Variants in CISD2 observed in about 807,000 individuals in gnomAD.
CISD2 encodes the protein CDGSH iron-sulfur domain-containing protein 2.
A neutral mutation model predicts 12.9 loss-of-function variants in CISD2; 1 was observed. The ratio of observed to expected loss-of-function variants is 0.08; its 90% CI spans 0.03 to 0.37. The LOEUF (loss-of-function observed/expected upper bound fraction) is 0.37, where lower values mean the gene tolerates loss of function less well. Among genes scored for constraint, CISD2 ranks in the 10% least tolerant of loss-of-function variants. The probability of loss-of-function intolerance (pLI) is 0.99; values close to 1 mark genes in which losing one functional copy is unlikely to be tolerated. For synonymous variants in CISD2, 50 were observed against 60.6 expected (o/e 0.83, Z 0.81); for missense variants, 97 against 163.1 (o/e 0.59, Z 2.21).
At chr4:102,876,823 A>G (rs1412837724) in intron 1 of CISD2, among the ~76,000 whole-genome samples, 2 of 152,172 alleles carry the variant, frequency 1.3e-5, no homozygotes, top group Non-Finnish European at 2.9e-5. Context: ...ACAGTTCTGC[A>G]TGGCTAGGTA....
Position 102,884,632 on chromosome 4 carries a change from G to A in CISD2, c.104-584G>A, listed in dbSNP as rs1315371157. 3.9e-5 allele frequency among the ~76,000 whole-genome samples: 6 copies of A among 152,332 alleles called. No individual in the cohort carries two copies. In the South Asian group the frequency reaches 8.3e-4, roughly 21 times the overall value. Reference sequence around the variant, plus strand: ...CCAAAAGGCTTTAAATGAAGTTTATGGAATTAGATATATCTTAAAATGAGA... The same window carrying A: ...CCAAAAGGCTTTAAATGAAGTTTATAGAATTAGATATATCTTAAAATGAGA... On this transcript the variant is annotated intron_variant, in intron 1 of 2. Coordinates refer to ENST00000273986, the MANE Select transcript of CISD2 (RefSeq NM_001008388.5).
chr4:102,876,277 A>T (rs948166974), intron 1 of CISD2, among the ~76,000 whole-genome samples: 1 of 152,236 alleles, frequency 6.6e-6, no homozygotes, highest in Non-Finnish European at 1.5e-5. Context: ...TTCCAAGTAT[A>T]TGAAAATCTG....
chr4:102,875,740 T>C (rs1733576990), intron 1 of CISD2, among the ~76,000 whole-genome samples: 1 of 152,210 alleles, frequency 6.6e-6, no homozygotes, highest in African/African-American at 2.4e-5. Flanking sequence ...GAGACAAATA[T>C]TTACCTAACT....
chr4:102,885,848 A>G (rs1733883390), intron 2 of CISD2, among the ~76,000 whole-genome samples: 2 of 152,226 alleles, frequency 1.3e-5, no homozygotes, highest in Non-Finnish European at 2.9e-5. Context: ...TGATACATCC[A>G]CATTACATAT....
rs1486467120 is a variant in CISD2, at chr4:102,889,669, T to C, written c.*2239T>C. 1 of 152,228 alleles carries C rather than the reference T, an allele frequency of 6.6e-6. No individual in the cohort carries two copies. 9.4% of individuals were successfully genotyped at this position (152,228 alleles called of 1,614,324 possible). On this transcript the variant is annotated 3_prime_UTR_variant, in exon 3 of 3. Coordinates refer to ENST00000273986, the MANE Select transcript of CISD2 (RefSeq NM_001008388.5). ...CACATTTTCAGTTGTTAAAATATGC[T>C]AAGAGCTATGCCCATATCTTTTCCC...
intron 1 of CISD2, among the ~76,000 whole-genome samples, chr4:102,874,294 T>C (rs542481408): frequency 6.6e-6 from 1 of 152,088 alleles, no homozygotes; most frequent in South Asian, 2.1e-4. Context: ...TTCATGGACA[T>C]GAAGATGGCA....
In CISD2 at chr4:102,885,394, T is replaced by C; in HGVS notation, c.282T>C (p.Thr94=). 1.2e-6 allele frequency: 2 copies of C among 1,614,110 alleles called. No individual in the cohort carries two copies. Among genetic ancestry groups the C allele is most frequent in the Non-Finnish European group, 1.7e-6 (2 of 1,179,950 alleles). The part of the protein sequence containing the change: ...NEINIEDLCL[T]KAAYCRCWRS... ...TAAACATTGAAGATTTGTGTCTTAC[T>C]AAAGCAGCTTATTGTAGGTGTTGGC... The change falls in exon 2 of 3, where the codon ACT becomes ACC. Residue 94 remains threonine, a synonymous_variant. Coordinates refer to ENST00000273986, the MANE Select transcript of CISD2 (RefSeq NM_001008388.5).
At chr4:102,869,237 G>A (rs368237980) in intron 1 of CISD2, 50 bp downstream of exon 1, 4 of 1,560,240 alleles carry the variant, frequency 2.6e-6, no homozygotes, top group African/African-American at 2.7e-5. Context: ...TCGCCAAGCG[G>A]GGGAAGGAGG....
chr4:102,881,794 G>T lies in CISD2; in HGVS notation c.104-3422G>T, dbSNP rs544878069. Among the ~76,000 whole-genome samples the T allele has an allele frequency of 1.4e-4, 21 of 152,300 alleles. 1 individual carries two copies. In the South Asian group the frequency reaches 3.9e-3, roughly 29 times the overall value. ...ATAGTGTTTTACCAAGGAATTAAGT[G>T]TTCAAAAGAATATTTTCTGAAGTGG... On this transcript the variant is annotated intron_variant, in intron 1 of 2. Coordinates refer to ENST00000273986, the MANE Select transcript of CISD2 (RefSeq NM_001008388.5).
chr4:102,869,480 C>T lies in CISD2; in HGVS notation c.103+293C>T, dbSNP rs113711399. 3.4e-3 allele frequency: 2,370 copies of T among 702,638 alleles called. 22 individuals are homozygous for T. The highest frequency in any genetic ancestry group is 0.03 in the African/African-American group (1,744 of 57,386). The allele number at this position is 702,638 out of a possible 1,614,324, so 43.5% of individuals were successfully genotyped here. ...GGTGCTGAGTTGGGAACAGGCCAGT[C>T]TCTTTCATCTCCTGTCCTGCTCATC... On this transcript the variant is annotated intron_variant, in intron 1 of 2. Transcript: ENST00000273986.
chr4:102,882,070 CAGTTTTAGTT>C (rs1202349334), intron 1 of CISD2, among the ~76,000 whole-genome samples: 2 of 151,960 alleles, frequency 1.3e-5, no homozygotes. Context: ...TGTGCTCCTG[CAGTTTTAGTT>C]ACTTGGGAGG....
Position 102,891,072 on chromosome 4 carries a change from T to A in CISD2, c.*3642T>A, listed in dbSNP as rs577632757. 6.6e-6 allele frequency: 1 copy of A among 151,342 alleles called. No homozygotes were observed. Among genetic ancestry groups the A allele is most frequent in the East Asian group, 1.9e-4 (1 of 5,186 alleles). The allele number at this position is 151,342 out of a possible 1,614,324, so 9.4% of individuals were successfully genotyped here. On this transcript the variant is annotated 3_prime_UTR_variant, in exon 3 of 3. Transcript: ENST00000273986. Reference sequence around the variant, plus strand: ...TGATAGATCCAGAACAAGGAAATGATGTATGTGTTTACATATTACATCTAC... The same window carrying A: ...TGATAGATCCAGAACAAGGAAATGAAGTATGTGTTTACATATTACATCTAC...
intron 1 of CISD2, among the ~76,000 whole-genome samples, chr4:102,872,251 G>C (rs1041370528): frequency 1.3e-5 from 2 of 152,024 alleles, no homozygotes; most frequent in African/African-American, 4.8e-5. Flanking sequence ...TGTATTTTTA[G>C]TAGAGACGGA....
intron 1 of CISD2, among the ~76,000 whole-genome samples, chr4:102,884,850 T>C (rs1733823092): frequency 6.6e-6 from 1 of 151,990 alleles, no homozygotes; most frequent in South Asian, 2.1e-4. Context: ...ATTAAGGAGA[T>C]AAAATGTTTT....
rs1027165363 is a variant in CISD2, at chr4:102,889,830, T to C, written c.*2400T>C. ...TTTTATCTTGTCCATCTTTAAAAAATAGACATCTAATAACCAAATGTATTT... is the reference window on the plus strand; with the variant it reads ...TTTTATCTTGTCCATCTTTAAAAAACAGACATCTAATAACCAAATGTATTT... On this transcript the variant is annotated 3_prime_UTR_variant, in exon 3 of 3. Coordinates refer to ENST00000273986, the MANE Select transcript of CISD2 (RefSeq NM_001008388.5). 2.6e-5 allele frequency: 4 copies of C among 152,100 alleles called. No homozygotes were observed. Among genetic ancestry groups the C allele is most frequent in the Admixed American group, 6.6e-5 (1 of 15,260 alleles). The allele number at this position is 152,100 out of a possible 1,614,324, so 9.4% of individuals were successfully genotyped here. A position where few individuals can be genotyped will look rare whatever the true frequency, so the allele number is the denominator to read the frequency against.
intron 2 of CISD2, 142 bp downstream of exon 2, chr4:102,885,572 G>C (rs996681887): frequency 4.3e-6 from 3 of 702,520 alleles, no homozygotes; most frequent in Admixed American, 4.6e-5. Context: ...CTAAATTGAA[G>C]TTTTCATGTC....
At chr4:102,880,679 A>T (rs79860801) in intron 1 of CISD2, among the ~76,000 whole-genome samples, 17 of 148,376 alleles carry the variant, frequency 1.1e-4, no homozygotes, top group Non-Finnish European at 1.9e-4. Flanking sequence ...CTATCTCATT[A>T]AAAAAAAAAT....
chr4:102,880,613 G>C (rs1009719998), intron 1 of CISD2, among the ~76,000 whole-genome samples: 4 of 152,024 alleles, frequency 2.6e-5, no homozygotes, highest in African/African-American at 9.7e-5. Context: ...GGGAGGCAGA[G>C]GTTGCAGTGA....
intron 1 of CISD2, among the ~76,000 whole-genome samples, chr4:102,871,972 C>T (rs1733463328): frequency 6.6e-6 from 1 of 152,138 alleles, no homozygotes. Flanking sequence ...ACAGGCAGTT[C>T]TCACCTATCA....
Sources: gnomAD v4.1 joint callset for allele counts (sites outside exome capture counted in the v4.1 genomes callset) on GRCh38, gnomAD v4.1.1 for gene constraint, MANE v1.5 for transcripts, NCBI Gene and HGNC (gene_info 2026-07-23, HGNC 2026-07-21) for gene names.